The following ARHGAP23 variants were observed in gnomAD, a reference collection of about 807,000 sequenced individuals.
ARHGAP23 encodes the protein Rho GTPase activating protein 23, also known as rho GTPase-activating protein 23.
ARHGAP23 carries 34 observed loss-of-function variants against 136.3 expected under a neutral mutation model. The observed-to-expected ratio is 0.25, with a 90% confidence interval of 0.19 to 0.33. The LOEUF (loss-of-function observed/expected upper bound fraction) is 0.33. Ranked by LOEUF, ARHGAP23 falls within the 10% of genes least tolerant of loss-of-function variation. The pLI is 1.00. For synonymous variants in ARHGAP23, 832 were observed against 920.5 expected (o/e 0.90, Z 1.74); for missense variants, 1,808 against 2,139.0 (o/e 0.85, Z 3.05).
intron 11 of ARHGAP23, among the ~76,000 whole-genome samples, chr17:38,474,918 G>A (rs1346713437): frequency 1.3e-5 from 2 of 152,186 alleles, no homozygotes; most frequent in Non-Finnish European, 2.9e-5. Context: ...GCCACATGAA[G>A]GGTCCTTGTG....
intron 1 of ARHGAP23, among the ~76,000 whole-genome samples, chr17:38,449,414 C>CT (rs757038939): frequency 6.6e-6 from 1 of 152,220 alleles, no homozygotes; most frequent in Non-Finnish European, 1.5e-5. Flanking sequence ...ATGGAGGGCG[C>CT]TGCGGAGACA....
Position 38,469,569 on chromosome 17 carries a change from C to T in ARHGAP23, c.1850C>T (p.Thr617Ile). ...CGCTCCTCCTACCTGCTGGCCATCA[C>T]CACGGAGCGCTCCAAGTCCTGCGAT... is the stretch of plus-strand genomic sequence containing the variant. ...GRRSSYLLAITTERSKSCDDG... is the reference protein window; with the variant it reads ...GRRSSYLLAIITERSKSCDDG... Residue 617 changes from threonine to isoleucine, a missense_variant, in exon 9 of 24, where the codon ACC becomes ATC. By Grantham distance (89) the Thr-to-Ile change is moderately conservative (BLOSUM62 -1). This residue lies in a region of ARHGAP23 where 859 missense variants were observed against 936.4 expected (regional missense o/e 0.92). Transcript: ENST00000622683. The T allele has an allele frequency of 1.3e-6, 2 of 1,548,712 alleles. No individual in the cohort carries two copies. Among genetic ancestry groups the T allele is most frequent in the Non-Finnish European group, 1.7e-6 (2 of 1,146,736 alleles).
Position 38,510,254 on chromosome 17 carries a change from T to A in ARHGAP23, c.3758T>A (p.Leu1253Gln), listed in dbSNP as rs1326808955. ...TRSIVSGYST[L>Q]STMDRSVCSG... ...TCCATTGTGTCGGGCTACTCCACCCTGTCCACCATGGACCGCAGCGTGTGC... is the reference window on the plus strand; with the variant it reads ...TCCATTGTGTCGGGCTACTCCACCCAGTCCACCATGGACCGCAGCGTGTGC... The change falls in exon 24 of 24, where the codon CTG (leucine) becomes CAG (glutamine). Residue 1253 changes from leucine (L) to glutamine (Q), a missense_variant. Physicochemically the swap from Leu to Gln is moderately radical, Grantham distance 113 (BLOSUM62 -2). Transcript: ENST00000622683. This position sits in a 1 kb window ranked among gnomAD's most constrained non-coding sequence, Gnocchi z 4.6. The A allele has an allele frequency of 3.7e-6, 5 of 1,348,452 alleles. No individual in the cohort carries two copies. Among genetic ancestry groups the A allele is most frequent in the African/African-American group, 1.5e-5 (1 of 65,650 alleles). The allele number at this position is 1,348,452 out of a possible 1,614,324, so 83.5% of individuals were successfully genotyped here. A position where few individuals can be genotyped will look rare whatever the true frequency, so the allele number is the denominator to read the frequency against.
chr17:38,491,549 G>A lies in ARHGAP23; in HGVS notation c.3276+17G>A. On this transcript the variant is annotated intron_variant, in intron 20 of 23. Transcript: ENST00000622683. ...ATCCAGCACGTAAGCCCCTGTTCCGGGGGGCGCCCGGCAGCCCCTGGGGCC... is the reference window on the plus strand; with the variant it reads ...ATCCAGCACGTAAGCCCCTGTTCCGAGGGGCGCCCGGCAGCCCCTGGGGCC... 1 of 1,549,362 alleles carries A rather than the reference G, an allele frequency of 6.5e-7. No homozygotes were observed. Among genetic ancestry groups the A allele is most frequent in the Non-Finnish European group, 8.7e-7 (1 of 1,146,696 alleles).
intron 14 of ARHGAP23, among the ~76,000 whole-genome samples, chr17:38,480,538 G>A (rs897538123): frequency 6.6e-6 from 1 of 151,956 alleles, no homozygotes. Flanking sequence ...GGAGGCTGAG[G>A]CAGGAGAATG....
At chr17:38,458,814 G>A (rs1291979304) in intron 2 of ARHGAP23, among the ~76,000 whole-genome samples, 1 of 152,174 alleles carries the variant, frequency 6.6e-6, no homozygotes, top group African/African-American at 2.4e-5. Flanking sequence ...TCCGGTCCTG[G>A]GACAACTCCT....
intron 23 of ARHGAP23, among the ~76,000 whole-genome samples, chr17:38,506,055 C>T (rs2040628345): frequency 6.6e-6 from 1 of 152,224 alleles, no homozygotes; most frequent in South Asian, 2.1e-4. Context: ...GTTAACAGCA[C>T]CTTCTCCAGA....
chr17:38,419,700 A>G lies in ARHGAP23; in HGVS notation n.120+301A>G, dbSNP rs527637277. Among the ~76,000 whole-genome samples the G allele has an allele frequency of 4.6e-5, 7 of 152,126 alleles. No individual in the cohort carries two copies. The South Asian group carries it at 1.5e-3, about 32-fold the overall frequency. ...CCCTTTCCAGAAAGAGATCACCCAC[A>G]CGGAGAAACCCCCATCCCCACTTGG... is the stretch of plus-strand genomic sequence containing the variant. On this transcript the variant is annotated intron_variant and non_coding_transcript_variant, in intron 1 of 4. Transcript: ENST00000633445.
chr17:38,484,098 G>C (rs1245496878), intron 16 of ARHGAP23, among the ~76,000 whole-genome samples: 1 of 152,188 alleles, frequency 6.6e-6, no homozygotes, highest in Non-Finnish European at 1.5e-5. Flanking sequence ...TCCTGCTCAT[G>C]TCCATTGGAT....
At chr17:38,487,102 T>C (rs777718413) in intron 17 of ARHGAP23, among the ~76,000 whole-genome samples, 3 of 152,200 alleles carry the variant, frequency 2.0e-5, no homozygotes, top group Non-Finnish European at 4.4e-5. Context: ...CAACATGGAA[T>C]TGGGAAGAGA....
chr17:38,440,261 C>T (rs1051702691), intron 1 of ARHGAP23, among the ~76,000 whole-genome samples: 1 of 151,928 alleles, frequency 6.6e-6, no homozygotes, highest in African/African-American at 2.4e-5. Context: ...TCAAGTGATC[C>T]TCCGAACTCG....
chr17:38,497,689 C>A, intron 20 of ARHGAP23, 96 bp from the exon 21 acceptor site: 1 of 1,303,356 alleles, frequency 7.7e-7, no homozygotes, highest in Admixed American at 2.0e-5. Context: ...GAGAGAGGCG[C>A]CCCTTGCCGC....
intron 23 of ARHGAP23, among the ~76,000 whole-genome samples, chr17:38,507,103 G>A (rs1032078603): frequency 7.9e-5 from 12 of 151,968 alleles, no homozygotes; most frequent in East Asian, 3.9e-4. Context: ...GTGAAACCCC[G>A]TCTCTACTAA....
chr17:38,510,505 G>A lies in ARHGAP23; in HGVS notation c.4009G>A (p.Gly1337Ser), dbSNP rs1210736429. Residue 1337 changes from glycine to serine, a missense_variant, in exon 24 of 24, where the codon GGT (glycine) becomes AGT (serine). By Grantham distance (56) the Gly-to-Ser change is moderately conservative (BLOSUM62 0). Around this residue, in one of 7 missense-constraint regions of ARHGAP23, gnomAD observed 506 missense variants for 455.8 expected, o/e 1.11. Coordinates refer to ENST00000622683, the MANE Select transcript of ARHGAP23 (RefSeq NM_001199417.2). The surrounding 1 kb of genome is among the most constrained non-coding windows in gnomAD (Gnocchi z 4.6). ...RPDGEGAGRG[G>S]PRAPEPPGSA... ...AGACGGCGAGGGCGCGGGCCGGGGC[G>A]GTCCCCGCGCCCCGGAGCCGCCCGG... 3 of 1,142,106 alleles carry A rather than the reference G, an allele frequency of 2.6e-6. No homozygotes were observed. Among genetic ancestry groups the A allele is most frequent in the Admixed American group, 4.9e-5 (1 of 20,538 alleles). 70.7% of individuals were successfully genotyped at this position (1,142,106 alleles called of 1,614,324 possible).
chr17:38,497,706 G>A (rs2040423282), intron 20 of ARHGAP23, 79 bp from the exon 21 acceptor site: 11 of 1,454,272 alleles, frequency 7.6e-6, no homozygotes, highest in East Asian at 5.0e-5. Context: ...CCGCCTGAGC[G>A]GGTCCTCTGG....
upstream of ARHGAP23, among the ~76,000 whole-genome samples, chr17:38,426,549 T>TCAAAAAAAAAAAAAAAAAAAA (rs2038572131): frequency 5.0e-5 from 1 of 20,154 alleles, no homozygotes; most frequent in African/African-American, 6.1e-4. Context: ...AAACTCCATC[T>TCAAAAAAAAAAAAAAAAAAAA]CAAAAAAAAA....
At chr17:38,484,595 C>T (rs1229529296) in intron 16 of ARHGAP23, among the ~76,000 whole-genome samples, 1 of 151,248 alleles carries the variant, frequency 6.6e-6, no homozygotes, top group East Asian at 2.0e-4. Context: ...CCAGGAAGCA[C>T]TGGCCAGGGC....
At position 38,462,922 on chromosome 17, in the gene ARHGAP23, T is replaced by C. The variant is rs1353183574; in HGVS notation, c.330T>C (p.His110=). The change falls in exon 4 of 24, where the codon CAT becomes CAC. Residue 110 remains histidine (H), a synonymous_variant. Transcript: ENST00000622683. ...VKNVKEDGPA[H]RAGLRTGDRL... ...ATGTGAAGGAAGACGGCCCTGCCCA[T>C]AGGGCGGGGCTTCGCACAGGTGAGC... is the stretch of plus-strand genomic sequence containing the variant. 3.2e-6 allele frequency: 5 copies of C among 1,538,874 alleles called. No individual in the cohort carries two copies. The highest frequency in any genetic ancestry group is 1.4e-5 in the African/African-American group (1 of 72,002).
chr17:38,461,863 C>T (rs890084362), intron 3 of ARHGAP23, among the ~76,000 whole-genome samples: 6 of 152,146 alleles, frequency 3.9e-5, no homozygotes, highest in African/African-American at 1.2e-4. Flanking sequence ...TCCTCTGTCT[C>T]GTGACTTGTG....
Sources: allele counts gnomAD v4.1 joint callset (sites outside exome capture counted in the v4.1 genomes callset), GRCh38; gene constraint gnomAD v4.1.1; regional missense constraint gnomAD v4.1.1; non-coding constraint Gnocchi (gnomAD v3.1); transcripts MANE v1.5; gene names NCBI Gene and HGNC (gene_info 2026-07-23, HGNC 2026-07-21).